ANK3: variants seen among roughly 807,000 people sequenced by gnomAD.
The protein encoded by ANK3 is ankyrin-3.
Under a neutral mutation model 370.9 loss-of-function variants are expected in ANK3, and 57 were observed. The ratio of observed to expected loss-of-function variants is 0.15; its 90% CI spans 0.12 to 0.19. ANK3 has a LOEUF of 0.19. Among genes scored for constraint, ANK3 ranks in the 10% least tolerant of loss-of-function variants. The probability of loss-of-function intolerance (pLI) is 1.00; values close to 1 mark genes in which losing one functional copy is unlikely to be tolerated. For synonymous variants in ANK3, 1,929 were observed against 1,946.3 expected, an observed-to-expected ratio of 0.99 and a Z score of 0.23; for missense variants, 4,439 against 5,302.1, an observed-to-expected ratio of 0.84 and a Z score of 5.06.
At chr10:60,336,551 G>T (rs1248155829) in intron 1 of ANK3, among the ~76,000 whole-genome samples, 1 of 150,726 alleles carries the variant, frequency 6.6e-6, no homozygotes, top group African/African-American at 2.5e-5. Context: ...TTTCGGGTAT[G>T]GTGGAATCTG....
chr10:60,192,140 T>C (rs112495106), intron 16 of ANK3, among the ~76,000 whole-genome samples: 18,278 of 151,894 alleles, frequency 0.12, 1,497 homozygotes, highest in African/African-American at 0.22. Context: ...GATCCACCCG[T>C]CTCAGTCTTC....
At chr10:60,295,619 T>G (rs2042333630) in intron 1 of ANK3, among the ~76,000 whole-genome samples, 1 of 152,186 alleles carries the variant, frequency 6.6e-6, no homozygotes, top group Admixed American at 6.5e-5. Context: ...CATTGTGATC[T>G]GTCTACAGCA....
intron 2 of ANK3, among the ~76,000 whole-genome samples, chr10:60,567,002 A>C (rs2077479155): frequency 6.6e-6 from 1 of 152,262 alleles, no homozygotes; most frequent in South Asian, 2.1e-4. Context: ...GTAGAGGTTG[A>C]TTCAAGAGGT....
chr10:60,625,158 A>G (rs1440908250), intron 1 of ANK3, among the ~76,000 whole-genome samples: 1 of 151,926 alleles, frequency 6.6e-6, no homozygotes, highest in Non-Finnish European at 1.5e-5. Context: ...AGTCCAAGCT[A>G]CTCTGCCAAG....
intron 26 of ANK3, among the ~76,000 whole-genome samples, chr10:60,112,574 T>C (rs1003932561): frequency 3.3e-5 from 5 of 152,190 alleles, no homozygotes; most frequent in Non-Finnish European, 7.4e-5. Flanking sequence ...TTTCTCAGAA[T>C]TGTAGTATTA....
At chr10:60,663,015 A>G (rs1025817597) in intron 1 of ANK3, among the ~76,000 whole-genome samples, 2 of 152,224 alleles carry the variant, frequency 1.3e-5, no homozygotes, top group African/African-American at 4.8e-5. Flanking sequence ...TGAGGAAATG[A>G]GTCAAACAAC....
At chr10:60,527,357 CAGG>C (rs1248105829) in intron 2 of ANK3, among the ~76,000 whole-genome samples, 2 of 152,082 alleles carry the variant, frequency 1.3e-5, no homozygotes, top group East Asian at 3.9e-4. Flanking sequence ...TAACCATACG[CAGG>C]AGAAGTCTTT....
At chr10:60,600,195 G>T (rs1423351665) in intron 2 of ANK3, among the ~76,000 whole-genome samples, 6 of 152,110 alleles carry the variant, frequency 3.9e-5, no homozygotes, top group African/African-American at 7.2e-5. Context: ...GAAGAATTTA[G>T]GATTCTGTAC....
In ANK3 at chr10:60,076,371, G is replaced by C. The variant is rs1424467207; in HGVS notation, c.4510C>G (p.Gln1504Glu). 6.2e-7 allele frequency: 1 copy of C among 1,613,852 alleles called. No individual in the cohort carries two copies. The highest frequency in any genetic ancestry group is 1.3e-5 in the African/African-American group (1 of 74,894). ...YKPFFSTRPY[Q>E]SWTTAPITVP... is the part of the protein sequence containing the mutation. ...GTAATCGGAGCTGTTGTCCAGGACT[G>C]GTATGGTCTTGTAGAAAAGAATGGC... Residue 1504 changes from glutamine (Q) to glutamate (E), a missense_variant, in exon 37 of 44, where the codon CAG becomes GAG. This residue lies in a region of ANK3 where 679 missense variants were observed against 791.0 expected (regional missense o/e 0.86). Transcript: ENST00000280772.
At chr10:60,570,616 A>G (rs958334482) in intron 2 of ANK3, among the ~76,000 whole-genome samples, 17 of 152,190 alleles carry the variant, frequency 1.1e-4, no homozygotes, top group Non-Finnish European at 2.2e-4. Context: ...GGAGAGCTTC[A>G]GGCCCTATGG....
At chr10:60,678,932 T>C (rs887971005) in intron 1 of ANK3, among the ~76,000 whole-genome samples, 1 of 152,192 alleles carries the variant, frequency 6.6e-6, no homozygotes, top group Non-Finnish European at 1.5e-5. Context: ...AAGGGTTGAA[T>C]GGCTGATCAC....
chr10:60,152,470 T>C (rs558891979), intron 23 of ANK3, among the ~76,000 whole-genome samples: 69 of 152,068 alleles, frequency 4.5e-4, no homozygotes, highest in Non-Finnish European at 9.1e-4. Flanking sequence ...TAAAATGAGA[T>C]GAGTATTAGG....
intron 2 of ANK3, among the ~76,000 whole-genome samples, chr10:60,524,444 G>T (rs928829831): frequency 6.6e-6 from 1 of 152,032 alleles, no homozygotes; most frequent in Non-Finnish European, 1.5e-5. Context: ...AATCATGAGG[G>T]CTGGTCTTTC....
At chr10:60,319,227 TTA>T (rs1381486753) in intron 1 of ANK3, among the ~76,000 whole-genome samples, 1 of 152,254 alleles carries the variant, frequency 6.6e-6, no homozygotes, top group Non-Finnish European at 1.5e-5. Flanking sequence ...CAAGGCTTTG[TTA>T]TGTTTTATTT....
intron 7 of ANK3, among the ~76,000 whole-genome samples, chr10:60,244,551 C>T (rs1255151874): frequency 6.6e-6 from 1 of 152,154 alleles, no homozygotes; most frequent in African/African-American, 2.4e-5. Flanking sequence ...GTCGAAGTGG[C>T]ATAACAAATT....
At chr10:60,532,271 G>A (rs548475654) in intron 2 of ANK3, among the ~76,000 whole-genome samples, 3 of 152,224 alleles carry the variant, frequency 2.0e-5, no homozygotes, top group East Asian at 3.9e-4. Flanking sequence ...TCTTTGTGCA[G>A]CCGACCAAAT....
At chr10:60,367,604 AT>A (rs2059562762) in intron 1 of ANK3, among the ~76,000 whole-genome samples, 1 of 152,166 alleles carries the variant, frequency 6.6e-6, no homozygotes, top group Admixed American at 6.5e-5. Context: ...CTCTGGGGTG[AT>A]CATCAGCACA....
At chr10:60,445,697 A>G (rs749698677) in intron 2 of ANK3, among the ~76,000 whole-genome samples, 4 of 152,162 alleles carry the variant, frequency 2.6e-5, no homozygotes, top group Non-Finnish European at 5.9e-5. Flanking sequence ...TTTCTGGGTA[A>G]CTCCCAATCA....
At chr10:60,531,727 A>G (rs2076611095) in intron 2 of ANK3, among the ~76,000 whole-genome samples, 2 of 152,154 alleles carry the variant, frequency 1.3e-5, no homozygotes. Flanking sequence ...CATGGAAGTC[A>G]AGCCTGACAT....
Sources: allele counts gnomAD v4.1 joint callset (sites outside exome capture counted in the v4.1 genomes callset), GRCh38; gene constraint gnomAD v4.1.1; regional missense constraint gnomAD v4.1.1; transcripts MANE v1.5; gene names NCBI Gene and HGNC (gene_info 2026-07-23, HGNC 2026-07-21).